The following KLF12 variants were observed in gnomAD, a reference collection of about 807,000 sequenced individuals.
KLF12 encodes the protein Krueppel-like factor 12.
A neutral mutation model predicts 37.8 loss-of-function variants in KLF12; 9 were observed. That is an observed-to-expected ratio of 0.24 (90% CI 0.14 to 0.42). KLF12 has a LOEUF of 0.42. Ranked by LOEUF, KLF12 falls within the 10% of genes least tolerant of loss-of-function variation. The pLI, the probability that KLF12 is intolerant of heterozygous loss-of-function variation, is 1.00. For synonymous variants in KLF12, 208 were observed against 202.1 expected (o/e 1.03, Z -0.25); for missense variants, 411 against 516.0 (o/e 0.80, Z 1.97).
At chr13:74,172,852 A>C in the KLF12 span, among the ~76,000 whole-genome samples, 1 of 152,184 alleles carries the variant, frequency 6.6e-6, no homozygotes, top group Non-Finnish European at 1.5e-5. Context: ...GGGTGGCAAT[A>C]AAAAATACCT....
chr13:73,702,487 G>A (rs889195446), intron 7 of KLF12, among the ~76,000 whole-genome samples: 2 of 152,134 alleles, frequency 1.3e-5, no homozygotes, highest in African/African-American at 4.8e-5. Context: ...AATGACGTGT[G>A]AGCAACGCAC....
chr13:73,862,795 C>A (rs1408084660), intron 3 of KLF12, among the ~76,000 whole-genome samples: 1 of 152,126 alleles, frequency 6.6e-6, no homozygotes, highest in Non-Finnish European at 1.5e-5. Context: ...ACATTAATCA[C>A]TTCTTTGATC....
the KLF12 span, among the ~76,000 whole-genome samples, chr13:74,304,081 T>G: frequency 3.3e-5 from 5 of 152,104 alleles, no homozygotes. Context: ...TGCTGATCCC[T>G]TTCCATCTCT....
At chr13:73,832,573 C>G (rs1450576119) in intron 4 of KLF12, among the ~76,000 whole-genome samples, 2 of 152,182 alleles carry the variant, frequency 1.3e-5, no homozygotes. Flanking sequence ...ACACTGGAAA[C>G]AATTCAGACA....
intron 3 of KLF12, among the ~76,000 whole-genome samples, chr13:73,908,631 C>A (rs1267014325): frequency 1.3e-5 from 2 of 151,768 alleles, no homozygotes; most frequent in Non-Finnish European, 2.9e-5. Context: ...CAGGCACCCA[C>A]CATCATGCCC....
At chr13:74,248,777 A>T in the KLF12 span, among the ~76,000 whole-genome samples, 1 of 152,108 alleles carries the variant, frequency 6.6e-6, no homozygotes, top group Non-Finnish European at 1.5e-5. Flanking sequence ...CATTGGGTTT[A>T]ACTGGGATTG....
chr13:73,980,650 C>A (rs1400879571), intron 2 of KLF12, among the ~76,000 whole-genome samples: 1 of 152,108 alleles, frequency 6.6e-6, no homozygotes, highest in Non-Finnish European at 1.5e-5. Flanking sequence ...AAAAAGATGA[C>A]CATTCAATAG....
intron 3 of KLF12, among the ~76,000 whole-genome samples, chr13:73,879,933 C>T (rs1350303455): frequency 6.6e-6 from 1 of 152,208 alleles, no homozygotes; most frequent in Non-Finnish European, 1.5e-5. Context: ...CTGACCCTTG[C>T]TCTGCCCCAC....
At chr13:74,043,057 G>C (rs150211839) in intron 1 of KLF12, among the ~76,000 whole-genome samples, 2 of 152,078 alleles carry the variant, frequency 1.3e-5, no homozygotes, top group African/African-American at 4.8e-5. Flanking sequence ...AAATAAGATC[G>C]GACAGACTGA....
the KLF12 span, among the ~76,000 whole-genome samples, chr13:74,148,698 C>T: frequency 6.6e-5 from 10 of 152,138 alleles, no homozygotes; most frequent in African/African-American, 2.4e-4. Context: ...CTCCTTGAAA[C>T]ATTTTCCTTC....
chr13:74,236,062 A>T, the KLF12 span, among the ~76,000 whole-genome samples: 1 of 149,326 alleles, frequency 6.7e-6, no homozygotes, highest in Non-Finnish European at 1.5e-5. Flanking sequence ...GTCATCTAGC[A>T]TTAGGTATAT....
intron 1 of KLF12, among the ~76,000 whole-genome samples, chr13:74,012,448 T>C (rs1333614669): frequency 6.6e-6 from 1 of 152,162 alleles, no homozygotes; most frequent in African/African-American, 2.4e-5. Context: ...TTTTTTAAAT[T>C]GATAAAATAA....
chr13:73,810,260 T>C (rs1183123026), intron 5 of KLF12, among the ~76,000 whole-genome samples: 1 of 151,214 alleles, frequency 6.6e-6, no homozygotes, highest in Non-Finnish European at 1.5e-5. Flanking sequence ...AAAAAGCAAA[T>C]CAGAAAGGTT....
At chr13:73,826,793 T>G (rs1192933505) in intron 4 of KLF12, among the ~76,000 whole-genome samples, 1 of 149,622 alleles carries the variant, frequency 6.7e-6, no homozygotes, top group East Asian at 2.0e-4. Context: ...CACATATATA[T>G]TTTTTTGAGA....
Position 73,899,235 on chromosome 13 carries a change from AACACC to A in KLF12, c.123+44741_123+44745del, listed in dbSNP as rs1428704181. On this transcript the variant is annotated intron_variant, in intron 3 of 7. Coordinates refer to ENST00000377669, the MANE Select transcript of KLF12 (RefSeq NM_007249.5). The stretch of plus-strand genomic sequence containing the variant: ...AAAAGCAAGCATGATCTATATGGGA[AACACC>A]ACATCACTAAGGCCACCAGCAGCAA... Among the ~76,000 whole-genome samples, 12 of 152,310 alleles carry A rather than the reference AACACC, an allele frequency of 7.9e-5. No individual in the cohort carries two copies. The East Asian group carries it at 2.3e-3, about 30-fold the overall frequency.
intron 2 of KLF12, among the ~76,000 whole-genome samples, chr13:73,979,354 A>ACACACAC (rs1891628422): frequency 7.2e-6 from 1 of 139,620 alleles, no homozygotes; most frequent in Non-Finnish European, 1.5e-5. Context: ...TCTGCTTTTA[A>ACACACAC]ACACACACAC....
chr13:73,695,349 C>T lies in KLF12; in HGVS notation c.*141G>A, dbSNP rs747518994. On this transcript the variant is annotated 3_prime_UTR_variant, in exon 8 of 8. Transcript: ENST00000377669. ...TACCTTCAGACCAAAAGAAGTGTGCCTTCTTTTTCCTGCTCTGGTTTCAGA... is the reference window on the plus strand; with the variant it reads ...TACCTTCAGACCAAAAGAAGTGTGCTTTCTTTTTCCTGCTCTGGTTTCAGA... 1,113 of 800,464 alleles carry T rather than the reference C, an allele frequency of 1.4e-3. 4 individuals are homozygous for T. The highest frequency in any genetic ancestry group is 2.0e-3 in the Non-Finnish European group (1,012 of 512,008). The allele number at this position is 800,464 out of a possible 1,614,324, so 49.6% of individuals were successfully genotyped here.
chr13:73,814,109 T>G (rs546405553), intron 4 of KLF12, among the ~76,000 whole-genome samples: 1 of 152,334 alleles, frequency 6.6e-6, no homozygotes, highest in East Asian at 1.9e-4. Flanking sequence ...TGTGAAGAGA[T>G]TTAGCAACCA....
chr13:73,744,423 G>A (rs1278009651), intron 6 of KLF12, among the ~76,000 whole-genome samples: 1 of 152,160 alleles, frequency 6.6e-6, no homozygotes, highest in Non-Finnish European at 1.5e-5. Context: ...AAGGGTGAGT[G>A]TAGGTCTCCT....
Sources: allele counts gnomAD v4.1 joint callset (sites outside exome capture counted in the v4.1 genomes callset), GRCh38; gene constraint gnomAD v4.1.1; transcripts MANE v1.5; gene names NCBI Gene and HGNC (gene_info 2026-07-23, HGNC 2026-07-21).